Variants in R3HDM1 observed in about 807,000 individuals in gnomAD.
The protein encoded by R3HDM1 is R3H domain-containing protein 1.
A neutral mutation model predicts 141.1 loss-of-function variants in R3HDM1; 46 were observed. The observed-to-expected ratio is 0.33, with a 90% confidence interval of 0.26 to 0.42. The LOEUF is 0.42. Among genes scored for constraint, R3HDM1 ranks in the 10% least tolerant of loss-of-function variants. R3HDM1 has a pLI of 1.00. For missense variants in R3HDM1, 1,184 were observed against 1,368.3 expected, an observed-to-expected ratio of 0.87 and a Z score of 2.12; for synonymous variants, 435 against 472.9, an observed-to-expected ratio of 0.92 and a Z score of 1.04.
At chr2:135,620,882 G>A (rs557238389) in intron 5 of R3HDM1, among the ~76,000 whole-genome samples, 7 of 151,974 alleles carry the variant, frequency 4.6e-5, no homozygotes, top group Admixed American at 2.0e-4. Context: ...TAAACATTAC[G>A]TATCTGTAAG....
At chr2:135,689,419 A>G (rs2071954127) in intron 21 of R3HDM1, among the ~76,000 whole-genome samples, 1 of 152,212 alleles carries the variant, frequency 6.6e-6, no homozygotes, top group Non-Finnish European at 1.5e-5. Context: ...GTCTTGATCC[A>G]TACAGTCTTA....
chr2:135,664,043 A>G (rs1192404431), intron 19 of R3HDM1, among the ~76,000 whole-genome samples: 1 of 151,894 alleles, frequency 6.6e-6, no homozygotes, highest in African/African-American at 2.4e-5. Context: ...AAAAAAAAAA[A>G]AAAAAACTTA....
chr2:135,701,512 G>A (rs1333491587), intron 21 of R3HDM1, among the ~76,000 whole-genome samples: 1 of 152,126 alleles, frequency 6.6e-6, no homozygotes, highest in East Asian at 1.9e-4. Context: ...GAGGTGAGGT[G>A]AATGATTGTA....
At chr2:135,656,280 A>C (rs1369686990) in intron 18 of R3HDM1, among the ~76,000 whole-genome samples, 1 of 151,858 alleles carries the variant, frequency 6.6e-6, no homozygotes, top group Non-Finnish European at 1.5e-5. Flanking sequence ...AGTGTCTTTC[A>C]TTTATGGTTA....
At chr2:135,564,838 C>G (rs1702430808) in intron 1 of R3HDM1, among the ~76,000 whole-genome samples, 1 of 152,104 alleles carries the variant, frequency 6.6e-6, no homozygotes, top group Admixed American at 6.5e-5. Flanking sequence ...GGTGTATAAC[C>G]TTCCAAACTT....
At chr2:135,561,486 G>T (rs545206351) in intron 1 of R3HDM1, 602 of 378,770 alleles carry the variant, frequency 1.6e-3, no homozygotes, top group Non-Finnish European at 1.9e-3. Context: ...GTAGGCCAAG[G>T]CAGGCGGATC....
At chr2:135,614,166 T>G (rs2060801025) in intron 3 of R3HDM1, among the ~76,000 whole-genome samples, 1 of 152,226 alleles carries the variant, frequency 6.6e-6, no homozygotes, top group African/African-American at 2.4e-5. Context: ...TACTTCTCTG[T>G]ATCTTCCTTT....
intron 9 of R3HDM1, among the ~76,000 whole-genome samples, chr2:135,632,238 C>A (rs771697488): frequency 2.0e-5 from 3 of 151,532 alleles, no homozygotes; most frequent in Non-Finnish European, 4.4e-5. Context: ...AAATAAAAAT[C>A]CAGAGGACAT....
intron 21 of R3HDM1, among the ~76,000 whole-genome samples, chr2:135,699,024 T>TTG (rs2073756162): frequency 2.1e-5 from 2 of 97,530 alleles, no homozygotes; most frequent in African/African-American, 7.2e-5. Context: ...GATAGATAGA[T>TTG]AGATAGATAG....
chr2:135,607,402 A>T, intron 3 of R3HDM1: 1 of 919,526 alleles, frequency 1.1e-6, no homozygotes, highest in Non-Finnish European at 1.3e-6. Flanking sequence ...CCAGCTATAA[A>T]AAAAGCATTT....
chr2:135,681,351 C>G (rs2070267064), intron 21 of R3HDM1, among the ~76,000 whole-genome samples: 1 of 152,188 alleles, frequency 6.6e-6, no homozygotes, highest in African/African-American at 2.4e-5. Context: ...AAACAAATCT[C>G]AAATCCGCCT....
At chr2:135,650,543 A>G in intron 17 of R3HDM1, 1 of 983,018 alleles carries the variant, frequency 1.0e-6, no homozygotes, top group Non-Finnish European at 1.2e-6. Flanking sequence ...TAAGAAAATG[A>G]CTTTTTTCCA....
chr2:135,644,212 G>A (rs555995139), intron 15 of R3HDM1, among the ~76,000 whole-genome samples: 177 of 152,214 alleles, frequency 1.2e-3, no homozygotes, highest in African/African-American at 3.8e-3. Context: ...TAGAATGTAC[G>A]TGTAGAGAAG....
In R3HDM1 at chr2:135,637,115, A is replaced by G. The variant is rs974003673; in HGVS notation, c.903+932A>G. Among the ~76,000 whole-genome samples, 200 of 152,198 alleles carry G rather than the reference A, an allele frequency of 1.3e-3. 3 individuals are homozygous for G. Among genetic ancestry groups the G allele is most frequent in the Non-Finnish European group, 1.3e-4 (9 of 68,032 alleles). ...CTAAATGTCCTTCTCTCTAGTTTAT[A>G]AGATAGATGAGGTATCTGCCCTTGA... On this transcript the variant is annotated intron_variant, in intron 11 of 26. Coordinates refer to ENST00000683871, the MANE Select transcript of R3HDM1 (RefSeq NM_001378107.1).
intron 1 of R3HDM1, among the ~76,000 whole-genome samples, chr2:135,557,111 G>A (rs1056282633): frequency 1.3e-5 from 2 of 152,106 alleles, no homozygotes; most frequent in African/African-American, 4.8e-5. Context: ...TTCTTAATCA[G>A]TGACTTTTAA....
intron 9 of R3HDM1, among the ~76,000 whole-genome samples, chr2:135,633,349 A>G (rs1574535432): frequency 6.6e-6 from 1 of 152,204 alleles, no homozygotes; most frequent in East Asian, 1.9e-4. Context: ...CTGGATACAC[A>G]AGCACATATA....
At chr2:135,582,651 C>T (rs1368278898) in intron 1 of R3HDM1, among the ~76,000 whole-genome samples, 1 of 152,032 alleles carries the variant, frequency 6.6e-6, no homozygotes, top group Non-Finnish European at 1.5e-5. Context: ...GGAAAAGAAC[C>T]CTCCCTTAGG....
At chr2:135,547,632 T>C (rs922313767) in intron 1 of R3HDM1, among the ~76,000 whole-genome samples, 15 of 152,094 alleles carry the variant, frequency 9.9e-5, no homozygotes, top group Admixed American at 5.9e-4. Flanking sequence ...ATCAACTGTT[T>C]GCTGAATCTT....
At chr2:135,680,077 C>G (rs1197612147) in intron 20 of R3HDM1, 96 bp from the exon 21 acceptor site, 1 of 1,288,494 alleles carries the variant, frequency 7.8e-7, no homozygotes, top group African/African-American at 1.5e-5. Flanking sequence ...AAGAATTCAT[C>G]TCGAAAAAAA....
Sources: gnomAD v4.1 joint callset for allele counts (sites outside exome capture counted in the v4.1 genomes callset) on GRCh38, gnomAD v4.1.1 for gene constraint, MANE v1.5 for transcripts, NCBI Gene and HGNC (gene_info 2026-07-23, HGNC 2026-07-21) for gene names.